TDRD12: variants seen among roughly 807,000 people sequenced by gnomAD.
TDRD12 encodes the protein tudor domain containing 12.
Under a neutral mutation model 133.5 loss-of-function variants are expected in TDRD12, and 158 were observed. The observed-to-expected ratio is 1.18, with a 90% CI of 1.04 to 1.35. TDRD12 has a LOEUF of 1.35. TDRD12 is among the 40% of genes most tolerant of loss of function. The pLI is 0.00. For synonymous variants in TDRD12, 460 were observed against 477.9 expected (o/e 0.96, Z 0.49); for missense variants, 1,443 against 1,321.3 (o/e 1.09, Z -1.43).
downstream of TDRD12, among the ~76,000 whole-genome samples, chr19:32,823,638 C>T (rs544456792): frequency 6.6e-6 from 1 of 152,248 alleles, no homozygotes; most frequent in South Asian, 2.1e-4. Flanking sequence ...AAAGTTTGCC[C>T]CTGGATTTGG....
At chr19:32,739,975 G>A (rs1301282004) in intron 3 of TDRD12, among the ~76,000 whole-genome samples, 1 of 126,262 alleles carries the variant, frequency 7.9e-6, no homozygotes, top group East Asian at 2.5e-4. Flanking sequence ...GCATCTCCTG[G>A]GTGCTGTCTG....
chr19:32,756,981 A>AT (rs1970013038), intron 7 of TDRD12, 57 bp from the exon 8 acceptor site: 1 of 1,447,848 alleles, frequency 6.9e-7, no homozygotes, highest in Non-Finnish European at 9.5e-7. Context: ...ACGAGTTCAC[A>AT]TTTTTATTTT....
intron 4 of TDRD12, among the ~76,000 whole-genome samples, chr19:32,744,572 T>C (rs1327361175): frequency 1.4e-5 from 2 of 139,558 alleles, no homozygotes; most frequent in Non-Finnish European, 3.1e-5. Context: ...CGTAGAGGCA[T>C]ATATATATAC....
At chr19:32,734,853 C>T (rs1227343661) in intron 2 of TDRD12, among the ~76,000 whole-genome samples, 5 of 152,076 alleles carry the variant, frequency 3.3e-5, no homozygotes, top group African/African-American at 7.2e-5. Flanking sequence ...CCCAGTGTTT[C>T]GAACTTTTTT....
chr19:32,801,582 A>C (rs1354569571), intron 18 of TDRD12, among the ~76,000 whole-genome samples, 174 bp from the exon 19 acceptor site: 2 of 152,186 alleles, frequency 1.3e-5, no homozygotes, highest in Non-Finnish European at 2.9e-5. Flanking sequence ...AAACAACCGA[A>C]TTTTGGAAAT....
chr19:32,743,883 C>G (rs548623970), intron 4 of TDRD12, among the ~76,000 whole-genome samples: 21 of 151,792 alleles, frequency 1.4e-4, no homozygotes, highest in African/African-American at 4.6e-4. Flanking sequence ...ACAAAATTAG[C>G]CTGGCGTGGT....
chr19:32,739,110 G>C, intron 3 of TDRD12, 118 bp downstream of exon 3: 1 of 1,263,102 alleles, frequency 7.9e-7, no homozygotes. Context: ...AGACAAAACT[G>C]GAGTTCTTTA....
chr19:32,824,600 G>C (rs8101263), downstream of TDRD12: 89,771 of 152,096 alleles, frequency 0.59, 27,355 homozygotes, highest in East Asian at 0.83. Context: ...GCTTTTGTTC[G>C]CAAGCAGACA....
At chr19:32,813,015 A>T (rs1277711180) in intron 24 of TDRD12, among the ~76,000 whole-genome samples, 1 of 152,134 alleles carries the variant, frequency 6.6e-6, no homozygotes, top group Non-Finnish European at 1.5e-5. Context: ...TCTAAAAAAA[A>T]AAAATTAAAA....
intron 6 of TDRD12, among the ~76,000 whole-genome samples, chr19:32,755,733 A>G (rs1349603813): frequency 6.6e-6 from 1 of 152,188 alleles, no homozygotes; most frequent in Non-Finnish European, 1.5e-5. Flanking sequence ...TTGCCTGGCC[A>G]GGTAGTTTTA....
intron 11 of TDRD12, among the ~76,000 whole-genome samples, chr19:32,780,335 C>T (rs1970726301): frequency 6.6e-6 from 1 of 152,166 alleles, no homozygotes; most frequent in African/African-American, 2.4e-5. Flanking sequence ...ATCTGCCTGC[C>T]ATTAGCTTCC....
At chr19:32,723,723 G>T (rs967892262) in intron 1 of TDRD12, among the ~76,000 whole-genome samples, 2 of 150,078 alleles carry the variant, frequency 1.3e-5, no homozygotes, top group African/African-American at 4.9e-5. Flanking sequence ...TGGGTTCAGA[G>T]AAATATATAT....
chr19:32,823,067 C>A (rs369304196), downstream of TDRD12, among the ~76,000 whole-genome samples: 21 of 152,322 alleles, frequency 1.4e-4, no homozygotes, highest in African/African-American at 5.1e-4. Flanking sequence ...GTCCCTCATT[C>A]CGCTTCCCAG....
chr19:32,759,754 G>A (rs1370042564), intron 8 of TDRD12, among the ~76,000 whole-genome samples: 1 of 152,122 alleles, frequency 6.6e-6, no homozygotes, highest in East Asian at 1.9e-4. Flanking sequence ...TTAGTATATG[G>A]CTGAATTCCC....
chr19:32,815,315 ACGTTG>A, intron 25 of TDRD12, 128 bp from the exon 26 acceptor site: 2 of 698,790 alleles, frequency 2.9e-6, no homozygotes, highest in East Asian at 5.4e-5. Context: ...AAAGCCCTGC[ACGTTG>A]TGGCAAGCGC....
chr19:32,816,116 T>C (rs1428151817), intron 26 of TDRD12, among the ~76,000 whole-genome samples: 1 of 152,192 alleles, frequency 6.6e-6, no homozygotes, highest in African/African-American at 2.4e-5. Context: ...ACACTTGCTT[T>C]TGTTGGAGTA....
At chr19:32,813,924 T>C in intron 25 of TDRD12, 148 bp downstream of exon 25, 2 of 612,828 alleles carry the variant, frequency 3.3e-6, no homozygotes, top group Admixed American at 6.0e-5. Context: ...TTTCATGTTA[T>C]TGGGTCATGA....
At chr19:32,747,828 GC>G (rs575751123) in intron 4 of TDRD12, among the ~76,000 whole-genome samples, 198 of 152,076 alleles carry the variant, frequency 1.3e-3, no homozygotes, top group African/African-American at 4.4e-3. Flanking sequence ...GAGCAACATA[GC>G]TAGACCCTCT....
Position 32,804,452 on chromosome 19 carries a change from G to A in TDRD12, c.2552+1310G>A, listed in dbSNP as rs566400537. ...CTCACACCTGTAATCCCAGCACTTC[G>A]GGAGGCCGAGGCAGGCAGATCACAA... On this transcript the variant is annotated intron_variant, in intron 21 of 27. Coordinates refer to ENST00000444215, the Ensembl canonical transcript of TDRD12. 3.5e-4 allele frequency among the ~76,000 whole-genome samples: 53 copies of A among 151,184 alleles called. 1 individual carries two copies. Among genetic ancestry groups the A allele is most frequent in the African/African-American group, 1.2e-3 (50 of 41,294 alleles).
Sources: allele counts gnomAD v4.1 joint callset (sites outside exome capture counted in the v4.1 genomes callset), GRCh38; gene constraint gnomAD v4.1.1; transcripts MANE v1.5; gene names NCBI Gene and HGNC (gene_info 2026-07-23, HGNC 2026-07-21).